The following DLG2 variants were observed in gnomAD, a reference collection of about 807,000 sequenced individuals.
DLG2 encodes discs large MAGUK scaffold protein 2.
DLG2 carries 45 observed loss-of-function variants against 132.5 expected under a neutral mutation model. That is an observed-to-expected ratio of 0.34 (90% CI 0.27 to 0.44). The LOEUF (loss-of-function observed/expected upper bound fraction) is 0.44, where lower values mean the gene tolerates loss of function less well. Among genes scored for constraint, DLG2 ranks in the 20% least tolerant of loss-of-function variants. DLG2 has a pLI of 1.00. For missense variants in DLG2, 1,045 were observed against 1,196.9 expected (o/e 0.87, Z 1.87); for synonymous variants, 424 against 419.6 (o/e 1.01, Z -0.13).
chr11:84,585,236 T>C (rs1013311481), intron 6 of DLG2, among the ~76,000 whole-genome samples: 1 of 152,176 alleles, frequency 6.6e-6, no homozygotes, highest in Non-Finnish European at 1.5e-5. Context: ...ACTCATTAAG[T>C]CCTCATATAT....
At chr11:84,486,476 G>A (rs2099151201) in intron 7 of DLG2, among the ~76,000 whole-genome samples, 1 of 152,060 alleles carries the variant, frequency 6.6e-6, no homozygotes, top group Non-Finnish European at 1.5e-5. Context: ...GTTCTTCCTA[G>A]TAGTACAAGT....
At chr11:84,458,005 T>C (rs973358552) in intron 7 of DLG2, among the ~76,000 whole-genome samples, 1 of 150,892 alleles carries the variant, frequency 6.6e-6, no homozygotes, top group East Asian at 1.9e-4. Context: ...GCCTGTTATC[T>C]ACGTAAATGA....
intron 3 of DLG2, among the ~76,000 whole-genome samples, chr11:85,423,015 C>T (rs2090439919): frequency 6.6e-6 from 1 of 151,860 alleles, no homozygotes; most frequent in Non-Finnish European, 1.5e-5. Flanking sequence ...GTTAAAGAAC[C>T]TTGTTTTGTC....
intron 7 of DLG2, among the ~76,000 whole-genome samples, chr11:84,480,662 T>C (rs1335796499): frequency 6.6e-6 from 1 of 152,096 alleles, no homozygotes; most frequent in Non-Finnish European, 1.5e-5. Flanking sequence ...CTTCTTACTG[T>C]GAGACTGAAA....
intron 19 of DLG2, among the ~76,000 whole-genome samples, chr11:83,629,658 CT>C (rs1398003276): frequency 6.6e-6 from 1 of 152,080 alleles, no homozygotes; most frequent in African/African-American, 2.4e-5. Flanking sequence ...CTTGTTCTTT[CT>C]TTATTATACC....
At chr11:85,223,066 G>C (rs113821184) in intron 4 of DLG2, among the ~76,000 whole-genome samples, 1 of 152,202 alleles carries the variant, frequency 6.6e-6, no homozygotes, top group Non-Finnish European at 1.5e-5. Flanking sequence ...GCAGGATTGA[G>C]TGTGCCAAGC....
At chr11:85,583,126 G>GTATATATATATATATA (rs1163054982) in intron 3 of DLG2, among the ~76,000 whole-genome samples, 1 of 34,306 alleles carries the variant, frequency 2.9e-5, no homozygotes, top group Non-Finnish European at 5.8e-5. Flanking sequence ...GTGTGTGTGT[G>GTATATATATATATATA]TGTGTATATA....
chr11:84,781,612 C>T (rs566098330), intron 6 of DLG2, among the ~76,000 whole-genome samples: 1 of 152,108 alleles, frequency 6.6e-6, no homozygotes, highest in Non-Finnish European at 1.5e-5. Context: ...TTCTTATTAC[C>T]ACAATCTTAT....
At chr11:85,485,583 G>A (rs1189785177) in intron 3 of DLG2, among the ~76,000 whole-genome samples, 2 of 152,276 alleles carry the variant, frequency 1.3e-5, no homozygotes, top group South Asian at 2.1e-4. Context: ...GAGAGGGAAG[G>A]GGGCAGCTCT....
At chr11:84,462,587 A>T (rs1421713786) in intron 7 of DLG2, among the ~76,000 whole-genome samples, 3 of 151,192 alleles carry the variant, frequency 2.0e-5, no homozygotes, top group Non-Finnish European at 4.4e-5. Context: ...GTCACAATTT[A>T]TCACATTTTC....
chr11:83,486,979 A>AT (rs57785977), intron 21 of DLG2, among the ~76,000 whole-genome samples: 2 of 151,664 alleles, frequency 1.3e-5, no homozygotes, highest in Admixed American at 6.6e-5. Context: ...TGCTGCTGTA[A>AT]TTTTTTTTCT....
At chr11:84,094,644 G>C (rs1057407560) in intron 10 of DLG2, among the ~76,000 whole-genome samples, 5 of 152,222 alleles carry the variant, frequency 3.3e-5, no homozygotes, top group East Asian at 3.9e-4. Context: ...TAAAGGAAGG[G>C]GCAAGGAAGC....
rs561225829 is a variant in DLG2, at chr11:85,474,299, T to C, written c.40+124358A>G. Among the ~76,000 whole-genome samples the C allele has an allele frequency of 1.4e-3, 207 of 152,066 alleles. 1 individual carries two copies. The highest frequency in any genetic ancestry group is 2.2e-3 in the Non-Finnish European group (148 of 67,844). ...CTTCACAACATAGCCTCTCAATAGA[T>C]AAGCAAAAAATTACAGACATGAAAA... is the stretch of plus-strand genomic sequence containing the variant. On this transcript the variant is annotated intron_variant, in intron 3 of 27. Transcript: ENST00000376104.
Position 84,619,895 on chromosome 11 carries a change from G to C in DLG2, c.358-85164C>G, listed in dbSNP as rs186140282. Among the ~76,000 whole-genome samples, 3 of 151,442 alleles carry C rather than the reference G, an allele frequency of 2.0e-5. No individual in the cohort carries two copies. In the East Asian group the frequency reaches 5.8e-4, roughly 29 times the overall value. ...ATCAATCTTCCCAAATTAACTTATA[G>C]GTTCAAAGAAATTCCAAAAATAACC... On this transcript the variant is annotated intron_variant, in intron 6 of 27. Transcript: ENST00000376104.
chr11:83,791,504 C>A, intron 17 of DLG2: 2 of 637,870 alleles, frequency 3.1e-6, no homozygotes, highest in South Asian at 1.5e-5. Flanking sequence ...GTTGTACTAC[C>A]ATGAAATCAG....
At chr11:84,211,819 G>A (rs2096759230) in intron 8 of DLG2, among the ~76,000 whole-genome samples, 2 of 152,256 alleles carry the variant, frequency 1.3e-5, no homozygotes, top group East Asian at 3.9e-4. Context: ...AATAATGGCT[G>A]ATTATATTCA....
chr11:84,910,762 A>AAACAACAACAAC (rs59825403), intron 6 of DLG2, among the ~76,000 whole-genome samples: 10 of 141,410 alleles, frequency 7.1e-5, no homozygotes, highest in African/African-American at 2.2e-4. Context: ...AAGGAAGAAA[A>AAACAACAACAAC]AACAACAACA....
chr11:85,380,672 TA>T (rs1045588209), intron 3 of DLG2, among the ~76,000 whole-genome samples: 1 of 151,272 alleles, frequency 6.6e-6, no homozygotes, highest in African/African-American at 2.4e-5. Context: ...ACAACAACAA[TA>T]AAAAAAAGTG....
intron 6 of DLG2, among the ~76,000 whole-genome samples, chr11:84,899,211 A>G (rs2090582867): frequency 6.6e-6 from 1 of 152,104 alleles, no homozygotes; most frequent in African/African-American, 2.4e-5. Flanking sequence ...TTCTTCAGAT[A>G]CAAAACCCCC....
Sources: allele counts gnomAD v4.1 joint callset (sites outside exome capture counted in the v4.1 genomes callset), GRCh38; gene constraint gnomAD v4.1.1; transcripts MANE v1.5; gene names NCBI Gene and HGNC (gene_info 2026-07-23, HGNC 2026-07-21).